Variants in GUCY1A1 observed in about 807,000 individuals in gnomAD.
GUCY1A1 encodes the protein guanylate cyclase soluble subunit alpha-1.
In GUCY1A1, 48 loss-of-function variants were observed where a neutral mutation model predicts 64.5. The observed-to-expected ratio is 0.74, with a 90% CI of 0.59 to 0.95. The LOEUF (loss-of-function observed/expected upper bound fraction) is 0.95. Ranked by LOEUF, GUCY1A1 falls within the 40% of genes least tolerant of loss-of-function variation. GUCY1A1 has a pLI of 0.00. For missense variants in GUCY1A1, 804 were observed against 825.3 expected (o/e 0.97, Z 0.32); for synonymous variants, 308 against 303.4 (o/e 1.02, Z -0.16).
chr4:155,717,110 G>T (rs1388288268), intron 7 of GUCY1A1, 49 bp from the exon 8 acceptor site: 2 of 1,281,548 alleles, frequency 1.6e-6, no homozygotes, highest in Admixed American at 5.2e-5. Flanking sequence ...TGTAGGCTGT[G>T]ATTCTTCCTG....
chr4:155,713,311 G>C lies in GUCY1A1; in HGVS notation c.1300G>C (p.Ala434Pro). 6.2e-7 allele frequency: 1 copy of C among 1,614,170 alleles called. No individual in the cohort carries two copies. The highest frequency in any genetic ancestry group is 8.5e-7 in the Non-Finnish European group (1 of 1,180,028). Residue 434 changes from alanine (A) to proline (P), a missense_variant, in exon 7 of 10, where the codon GCT (alanine) becomes CCT (proline). Coordinates refer to ENST00000506455, the MANE Select transcript of GUCY1A1 (RefSeq NM_001130682.3). ...GAAGAAGAGGCTGGGGAAGCTGAAG[G>C]CTACCCTTGAGCAAGCCCACCAAGC... ...GLKKRLGKLK[A>P]TLEQAHQALE...
In GUCY1A1 at chr4:155,673,665, G is replaced by A. The variant is rs1471599716; in HGVS notation, c.-113+6246G>A. Among the ~76,000 whole-genome samples the A allele has an allele frequency of 2.0e-5, 3 of 151,340 alleles. No homozygotes were observed. The East Asian group carries it at 5.8e-4, about 29-fold the overall frequency. ...ATGTGTGTGTTTGATGTGTGTGTGT[G>A]TACCCTGTGTGTGGCGGAACGGGTA... On this transcript the variant is annotated intron_variant, in intron 2 of 9. Coordinates refer to ENST00000506455, the MANE Select transcript of GUCY1A1 (RefSeq NM_001130682.3).
At chr4:155,669,254 A>G (rs1019122161) in intron 2 of GUCY1A1, among the ~76,000 whole-genome samples, 10 of 152,120 alleles carry the variant, frequency 6.6e-5, no homozygotes, top group African/African-American at 2.2e-4. Context: ...TTTATAAGGT[A>G]TATTTATACT....
At chr4:155,668,381 T>C (rs1009857113) in intron 2 of GUCY1A1, among the ~76,000 whole-genome samples, 1 of 152,244 alleles carries the variant, frequency 6.6e-6, no homozygotes. Context: ...TTGGAACCTA[T>C]GGAAACAGTG....
Position 155,710,709 on chromosome 4 carries a change from A to G in GUCY1A1, c.544A>G (p.Arg182Gly), listed in dbSNP as rs1463137959. 1.9e-6 allele frequency: 3 copies of G among 1,613,806 alleles called. No individual in the cohort carries two copies. Among genetic ancestry groups the G allele is most frequent in the Admixed American group, 3.3e-5 (2 of 59,982 alleles). ...CAGCCATTGCCAAGAAGCAGGAAAA[A>G]GGGGCAGGCTTGAGGACGCCTCCAT... ...QSSHCQEAGK[R>G]GRLEDASILC... The change falls in exon 6 of 10, where the codon AGG becomes GGG. Residue 182 changes from arginine to glycine, a missense_variant. By Grantham distance (125) the Arg-to-Gly change is moderately radical. Transcript: ENST00000506455.
chr4:155,724,815 CA>C, intron 9 of GUCY1A1, among the ~76,000 whole-genome samples: 1 of 152,200 alleles, frequency 6.6e-6, no homozygotes, highest in East Asian at 1.9e-4. Flanking sequence ...GCTACAGACT[CA>C]TATATCCTAT....
intron 2 of GUCY1A1, among the ~76,000 whole-genome samples, chr4:155,677,008 TTG>T (rs1175026364): frequency 6.6e-6 from 1 of 151,526 alleles, no homozygotes; most frequent in East Asian, 1.9e-4. Flanking sequence ...TGAACTGAGT[TTG>T]TGTGGTCTAA....
chr4:155,730,342 C>A lies in GUCY1A1; in HGVS notation c.*111C>A. The A allele has an allele frequency of 1.6e-6, 1 of 611,758 alleles. No individual in the cohort carries two copies. The allele number at this position is 611,758 out of a possible 1,614,324, so 37.9% of individuals were successfully genotyped here. On this transcript the variant is annotated 3_prime_UTR_variant, in exon 10 of 10. Transcript: ENST00000506455. ...TGGCTAACAAGCAGTATTAAAATTT[C>A]AGGAGCCAAGTCACAATCTTTCTCC... is the stretch of plus-strand genomic sequence containing the variant.
intron 9 of GUCY1A1, among the ~76,000 whole-genome samples, chr4:155,726,636 C>G (rs1437019991): frequency 1.3e-5 from 2 of 149,932 alleles, no homozygotes; most frequent in Non-Finnish European, 3.0e-5. Context: ...ATACCTATAC[C>G]AAAAAAAAAC....
At chr4:155,726,407 G>A (rs960039579) in intron 9 of GUCY1A1, among the ~76,000 whole-genome samples, 2 of 151,814 alleles carry the variant, frequency 1.3e-5, no homozygotes, top group African/African-American at 2.4e-5. Context: ...TTTAGTCAAC[G>A]GTAGGGGCAT....
At position 155,722,138 on chromosome 4, in the gene GUCY1A1, A is replaced by G; in HGVS notation, c.1817A>G (p.Lys606Arg). 6.2e-7 allele frequency: 1 copy of G among 1,613,528 alleles called. No individual in the cohort carries two copies. The highest frequency in any genetic ancestry group is 8.5e-7 in the Non-Finnish European group (1 of 1,179,612). ...GGAAACAATGTCACTCTGGCTAACA[A>G]ATTTGAGTCCTGCAGTGTACCACGA... ...LFGNNVTLAN[K>R]FESCSVPRKI... is the part of the protein sequence containing the mutation. The change falls in exon 9 of 10, where the codon AAA (lysine) becomes AGA (arginine). Residue 606 changes from lysine to arginine, a missense_variant. Lys to Arg is a conservative substitution (Grantham distance 26). Coordinates refer to ENST00000506455, the MANE Select transcript of GUCY1A1 (RefSeq NM_001130682.3).
chr4:155,691,776 T>A (rs935597928), intron 2 of GUCY1A1, among the ~76,000 whole-genome samples: 1 of 152,188 alleles, frequency 6.6e-6, no homozygotes, highest in Non-Finnish European at 1.5e-5. Flanking sequence ...CTTTTTTCGA[T>A]TTTTTTATTA....
chr4:155,717,349 C>A, intron 8 of GUCY1A1, 47 bp downstream of exon 8: 2 of 1,381,960 alleles, frequency 1.4e-6, no homozygotes, highest in Non-Finnish European at 1.9e-6. Context: ...AGAGCAAATG[C>A]GTATAGTTGA....
chr4:155,695,348 A>G (rs1045319893), intron 2 of GUCY1A1, among the ~76,000 whole-genome samples: 2 of 137,376 alleles, frequency 1.5e-5, no homozygotes, highest in Admixed American at 7.0e-5. Flanking sequence ...CATAGAAAAT[A>G]AAAAAAAAAA....
chr4:155,685,603 GTTTTTTTTT>G (rs70954055), intron 2 of GUCY1A1, among the ~76,000 whole-genome samples: 62 of 108,906 alleles, frequency 5.7e-4, no homozygotes, highest in Non-Finnish European at 9.8e-4. Flanking sequence ...TTCTCCTTGT[GTTTTTTTTT>G]TTTTTTTTTT....
At chr4:155,716,417 G>T (rs1048299339) in intron 7 of GUCY1A1, among the ~76,000 whole-genome samples, 3 of 152,098 alleles carry the variant, frequency 2.0e-5, no homozygotes, top group Non-Finnish European at 2.9e-5. Context: ...TTAACTATCT[G>T]CTTTTTGCAG....
intron 4 of GUCY1A1, among the ~76,000 whole-genome samples, chr4:155,706,629 A>G (rs1047985583): frequency 6.6e-6 from 1 of 151,910 alleles, no homozygotes; most frequent in African/African-American, 2.4e-5. Flanking sequence ...TTTTGATCAC[A>G]TCATTATATG....
chr4:155,678,020 T>C (rs1271034385), intron 2 of GUCY1A1, among the ~76,000 whole-genome samples: 1 of 152,064 alleles, frequency 6.6e-6, no homozygotes, highest in Non-Finnish European at 1.5e-5. Context: ...TAATAAATTA[T>C]TAGACAATAA....
At chr4:155,688,050 C>T (rs928233742) in intron 2 of GUCY1A1, among the ~76,000 whole-genome samples, 23 of 151,610 alleles carry the variant, frequency 1.5e-4, no homozygotes, top group Admixed American at 2.6e-4. Context: ...AGTGAAACCC[C>T]GTCTCTACTA....
Sources: gnomAD v4.1 joint callset for allele counts (sites outside exome capture counted in the v4.1 genomes callset) on GRCh38, gnomAD v4.1.1 for gene constraint, MANE v1.5 for transcripts, NCBI Gene and HGNC (gene_info 2026-07-23, HGNC 2026-07-21) for gene names.